The following AGBL1 variants were observed in gnomAD, a reference collection of about 807,000 sequenced individuals.
AGBL1 encodes the protein AGBL carboxypeptidase 1, also known as cytosolic carboxypeptidase 4.
In AGBL1, 130 loss-of-function variants were observed where a neutral mutation model predicts 118.9. The observed-to-expected ratio is 1.09, with a 90% CI of 0.95 to 1.26. The LOEUF (loss-of-function observed/expected upper bound fraction) is 1.26. Among genes scored for constraint, AGBL1 ranks in the 50% most tolerant of loss-of-function variants. AGBL1 has a pLI of 0.00. For missense variants in AGBL1, 1,584 were observed against 1,298.1 expected, an observed-to-expected ratio of 1.22 and a Z score of -3.38; for synonymous variants, 555 against 478.9, an observed-to-expected ratio of 1.16 and a Z score of -2.08.
intron 22 of AGBL1, among the ~76,000 whole-genome samples, chr15:86,705,464 C>G (rs1319393054): frequency 6.6e-6 from 1 of 152,104 alleles, no homozygotes; most frequent in Non-Finnish European, 1.5e-5. Context: ...TGGTGAAAAT[C>G]AATCTAGGTA....
intron 24 of AGBL1, among the ~76,000 whole-genome samples, chr15:87,011,847 C>T (rs2081563520): frequency 6.6e-6 from 1 of 152,006 alleles, no homozygotes; most frequent in Non-Finnish European, 1.5e-5. Context: ...TTCAGAATGC[C>T]CATTGTGTAT....
At chr15:86,124,976 G>A (rs573353494) in intron 1 of AGBL1, among the ~76,000 whole-genome samples, 1 of 152,178 alleles carries the variant, frequency 6.6e-6, no homozygotes, top group Non-Finnish European at 1.5e-5. Flanking sequence ...TTAGAATTAA[G>A]TTGTTCAAAT....
chr15:86,367,664 T>C (rs1029692091), intron 17 of AGBL1, among the ~76,000 whole-genome samples: 2 of 151,990 alleles, frequency 1.3e-5, no homozygotes, highest in African/African-American at 4.8e-5. Flanking sequence ...AAAACTAAGA[T>C]ATGTAATCCG....
chr15:86,953,166 A>C (rs2080896752), intron 23 of AGBL1, among the ~76,000 whole-genome samples: 2 of 152,084 alleles, frequency 1.3e-5, no homozygotes, highest in South Asian at 4.1e-4. Context: ...TTTTGGTTGC[A>C]TGTAATTTTT....
chr15:86,901,488 T>C (rs1028640114), intron 22 of AGBL1, among the ~76,000 whole-genome samples: 2 of 152,108 alleles, frequency 1.3e-5, no homozygotes, highest in Non-Finnish European at 1.5e-5. Context: ...TGTCTTCATT[T>C]CCAACTTTCT....
chr15:86,101,816 A>C (rs1896741129), intron 1 of AGBL1, among the ~76,000 whole-genome samples: 1 of 152,126 alleles, frequency 6.6e-6, no homozygotes. Context: ...GTTTTCTAAA[A>C]ATTCATTATT....
At chr15:86,632,208 C>T (rs1240430634) in intron 21 of AGBL1, among the ~76,000 whole-genome samples, 5 of 146,356 alleles carry the variant, frequency 3.4e-5, no homozygotes, top group African/African-American at 5.1e-5. Flanking sequence ...TTCCAGGCTG[C>T]AGTGAGTTAT....
intron 18 of AGBL1, among the ~76,000 whole-genome samples, chr15:86,517,709 G>C (rs960085637): frequency 2.6e-5 from 4 of 152,138 alleles, no homozygotes; most frequent in Non-Finnish European, 5.9e-5. Context: ...AAAATATCCT[G>C]AACATAATAA....
chr15:86,882,252 G>A (rs998578102), intron 22 of AGBL1, among the ~76,000 whole-genome samples: 3 of 152,056 alleles, frequency 2.0e-5, no homozygotes, highest in African/African-American at 7.2e-5. Context: ...TTAAATAAGT[G>A]GGGTGGTATC....
chr15:86,086,161 A>T (rs1256694249), intron 1 of AGBL1: 1 of 152,192 alleles, frequency 6.6e-6, no homozygotes, highest in African/African-American at 2.4e-5. Context: ...CAGTTTCTAA[A>T]ACTGGAACTG....
At chr15:86,559,002 T>C (rs76989275) in intron 21 of AGBL1, among the ~76,000 whole-genome samples, 1 of 152,320 alleles carries the variant, frequency 6.6e-6, no homozygotes, top group East Asian at 1.9e-4. Flanking sequence ...GGCAACTGTT[T>C]CGTGCCTTTC....
intron 22 of AGBL1, among the ~76,000 whole-genome samples, chr15:86,737,247 A>G (rs1226961979): frequency 6.6e-6 from 1 of 152,138 alleles, no homozygotes; most frequent in East Asian, 1.9e-4. Flanking sequence ...GGAAAATTTC[A>G]CGGAGGAGGT....
At chr15:86,809,415 A>G (rs1178747695) in intron 22 of AGBL1, among the ~76,000 whole-genome samples, 2 of 152,138 alleles carry the variant, frequency 1.3e-5, no homozygotes, top group Admixed American at 6.6e-5. Flanking sequence ...TCTCACATAT[A>G]TATATGCTGA....
At chr15:86,518,866 G>C (rs560347107) in intron 18 of AGBL1, among the ~76,000 whole-genome samples, 1 of 151,500 alleles carries the variant, frequency 6.6e-6, no homozygotes, top group South Asian at 2.1e-4. Context: ...AGGGATGCAA[G>C]CATTTCAAAG....
At chr15:86,827,938 C>CTTTTTTGTTTTTTTTTTTTTTTTTTTTTT (rs2079052801) in intron 22 of AGBL1, among the ~76,000 whole-genome samples, 1 of 16,760 alleles carries the variant, frequency 6.0e-5, no homozygotes, top group Non-Finnish European at 1.2e-4. Context: ...TGATGTAGGG[C>CTTTTTTGTTTTTTTTTTTTTTTTTTTTTT]TTTTTTTTTT....
At chr15:86,111,126 C>A (rs1014758541) in intron 1 of AGBL1, among the ~76,000 whole-genome samples, 4 of 152,360 alleles carry the variant, frequency 2.6e-5, no homozygotes, top group African/African-American at 9.6e-5. Flanking sequence ...CAGGCCAATG[C>A]CCCGGTTGGT....
intron 21 of AGBL1, among the ~76,000 whole-genome samples, chr15:86,597,384 T>C (rs145971959): frequency 8.7e-4 from 133 of 152,294 alleles, no homozygotes; most frequent in African/African-American, 3.0e-3. Context: ...AGCTGGCTTT[T>C]AAAATAGTGG....
In AGBL1 at chr15:86,253,973, A is replaced by G. The variant is rs1432512173; in HGVS notation, c.736-2880A>G. On this transcript the variant is annotated intron_variant, in intron 7 of 22. Transcript: ENST00000614907. ...TCAGAGGGCACAAGGGGAAGGAAGG[A>G]GAGTAAGGGGAGGAATTAGAGTGTT... Among the ~76,000 whole-genome samples the G allele has an allele frequency of 2.0e-5, 3 of 152,308 alleles. No individual in the cohort carries two copies. The East Asian group carries it at 5.8e-4, about 29-fold the overall frequency.
At chr15:86,161,527 A>T (rs940709116) in intron 5 of AGBL1, among the ~76,000 whole-genome samples, 3 of 152,210 alleles carry the variant, frequency 2.0e-5, no homozygotes, top group African/African-American at 7.2e-5. Context: ...GGCGTATCTT[A>T]TACAGTCTAT....
Sources: gnomAD v4.1 joint callset for allele counts (sites outside exome capture counted in the v4.1 genomes callset) on GRCh38, gnomAD v4.1.1 for gene constraint, MANE v1.5 for transcripts, NCBI Gene and HGNC (gene_info 2026-07-23, HGNC 2026-07-21) for gene names.